The following GIGYF2 variants were observed in gnomAD, a reference collection of about 807,000 sequenced individuals.
GIGYF2 encodes GRB10 interacting GYF protein 2.
In GIGYF2, 25 loss-of-function variants were observed where a neutral mutation model predicts 208.1. The ratio of observed to expected loss-of-function variants is 0.12; its 90% CI spans 0.09 to 0.17. The LOEUF is 0.17. GIGYF2 is among the 10% of genes least tolerant of loss of function. The pLI is 1.00. For synonymous variants in GIGYF2, 534 were observed against 543.8 expected (o/e 0.98, Z 0.25); for missense variants, 1,302 against 1,579.4 (o/e 0.82, Z 2.98).
intron 3 of GIGYF2, among the ~76,000 whole-genome samples, chr2:232,739,937 T>TA (rs34661108): frequency 0.046 from 5,094 of 111,568 alleles, 386 homozygotes; most frequent in African/African-American, 0.15. Context: ...CCATCTCTGC[T>TA]AAAAAAAAAA....
intron 1 of GIGYF2, among the ~76,000 whole-genome samples, chr2:232,698,508 C>T (rs1245793298): frequency 1.3e-5 from 2 of 152,082 alleles, no homozygotes; most frequent in East Asian, 3.8e-4. Flanking sequence ...TTCTGTCATT[C>T]TTTCTGTACA....
chr2:232,827,997 CT>C (rs201861951), intron 21 of GIGYF2, among the ~76,000 whole-genome samples: 1 of 150,344 alleles, frequency 6.7e-6, no homozygotes. Context: ...TTTTCTTTTT[CT>C]TTTTTTTTGA....
intron 22 of GIGYF2, among the ~76,000 whole-genome samples, chr2:232,833,571 A>G (rs1329718463): frequency 6.6e-6 from 1 of 152,226 alleles, no homozygotes; most frequent in Non-Finnish European, 1.5e-5. Flanking sequence ...AGGAGTAAAC[A>G]AGAGGATAGG....
intron 6 of GIGYF2, among the ~76,000 whole-genome samples, chr2:232,757,402 C>G (rs1301645892): frequency 6.6e-6 from 1 of 150,900 alleles, no homozygotes; most frequent in Non-Finnish European, 1.5e-5. Context: ...ATCTGTAAAA[C>G]TTAAAGGAAA....
At chr2:232,749,822 A>G (rs1290380393) in intron 5 of GIGYF2, among the ~76,000 whole-genome samples, 1 of 152,246 alleles carries the variant, frequency 6.6e-6, no homozygotes, top group East Asian at 1.9e-4. Flanking sequence ...ATACTCTATG[A>G]AATATTAAAA....
At chr2:232,767,847 G>T in intron 8 of GIGYF2, 1 of 276,176 alleles carries the variant, frequency 3.6e-6, no homozygotes, top group Non-Finnish European at 6.9e-6. Flanking sequence ...AGAGATTAAT[G>T]GTTGATTTTC....
Position 232,809,869 on chromosome 2 carries a change from TC to T in GIGYF2, c.1898+59del, listed in dbSNP as rs1044124279. Reference sequence around the variant, plus strand: ...GCATGAAAAAGGACTTTAAATAGAATCTGCTCTCAAGTCTCACCTTTTACAG... The same window carrying T: ...GCATGAAAAAGGACTTTAAATAGAATTGCTCTCAAGTCTCACCTTTTACAG... On this transcript the variant is annotated intron_variant, in intron 16 of 28. Transcript: ENST00000373563. 1.9e-5 allele frequency: 19 copies of T among 977,946 alleles called. No individual in the cohort carries two copies. The African/African-American group carries it at 2.5e-4, about 13-fold the overall frequency. The allele number at this position is 977,946 out of a possible 1,614,324, so 60.6% of individuals were successfully genotyped here.
At chr2:232,772,978 T>A (rs905780053) in intron 8 of GIGYF2, among the ~76,000 whole-genome samples, 24 of 152,140 alleles carry the variant, frequency 1.6e-4, no homozygotes, top group African/African-American at 2.4e-5. Flanking sequence ...TAACTTAACA[T>A]TTATTGGTGA....
intron 8 of GIGYF2, among the ~76,000 whole-genome samples, chr2:232,778,286 A>T (rs1699597256): frequency 6.6e-6 from 1 of 152,210 alleles, no homozygotes. Flanking sequence ...TATTAAACTT[A>T]AAAGTCTTTT....
chr2:232,801,300 G>A (rs966934122), intron 14 of GIGYF2, among the ~76,000 whole-genome samples: 4 of 151,714 alleles, frequency 2.6e-5, no homozygotes, highest in East Asian at 3.9e-4. Context: ...AGTCTGAGGC[G>A]GGAGGATCAC....
chr2:232,743,146 A>AT (rs1361875859), intron 3 of GIGYF2, among the ~76,000 whole-genome samples: 1 of 152,152 alleles, frequency 6.6e-6, no homozygotes, highest in East Asian at 1.9e-4. Context: ...CCATGGTAGA[A>AT]TTGGCAGTGT....
chr2:232,747,570 G>C (rs1698191655), intron 3 of GIGYF2, 45 bp from the exon 4 acceptor site: 1 of 1,611,110 alleles, frequency 6.2e-7, no homozygotes, highest in Non-Finnish European at 8.5e-7. Flanking sequence ...TAAAAAGTCT[G>C]TAGCACCAGA....
chr2:232,848,265 G>A (rs1192901740), intron 27 of GIGYF2, among the ~76,000 whole-genome samples: 3 of 152,238 alleles, frequency 2.0e-5, no homozygotes, highest in Admixed American at 6.5e-5. Flanking sequence ...TCCAGCACAC[G>A]TATTTTCTTC....
intron 2 of GIGYF2, among the ~76,000 whole-genome samples, chr2:232,712,961 C>G (rs888074056): frequency 2.6e-5 from 4 of 152,134 alleles, no homozygotes; most frequent in African/African-American, 9.7e-5. Flanking sequence ...AGAAAATGTT[C>G]TATGAACCTC....
chr2:232,840,323 T>G (rs1044786663), intron 23 of GIGYF2, among the ~76,000 whole-genome samples: 1 of 152,220 alleles, frequency 6.6e-6, no homozygotes, highest in African/African-American at 2.4e-5. Context: ...TATGTTTTTC[T>G]CTAAAGACAC....
chr2:232,734,009 C>T (rs1697620234), intron 2 of GIGYF2, among the ~76,000 whole-genome samples: 1 of 150,780 alleles, frequency 6.6e-6, no homozygotes, highest in Non-Finnish European at 1.5e-5. Flanking sequence ...CTTAAGATTA[C>T]TTTTGAAATG....
intron 2 of GIGYF2, among the ~76,000 whole-genome samples, chr2:232,707,292 G>A (rs977277055): frequency 2.0e-5 from 3 of 152,186 alleles, no homozygotes; most frequent in African/African-American, 7.2e-5. Flanking sequence ...GGTCTCTTCA[G>A]TATTGGTCCT....
chr2:232,856,026 G>T (rs1225493387), intron 28 of GIGYF2, among the ~76,000 whole-genome samples: 1 of 152,004 alleles, frequency 6.6e-6, no homozygotes, highest in Non-Finnish European at 1.5e-5. Context: ...CTTCGACCAG[G>T]TTCAAGCAAT....
In GIGYF2 at chr2:232,736,668, T is replaced by C. The variant is rs1467401514; in HGVS notation, c.41+1430T>C. On this transcript the variant is annotated intron_variant, in intron 3 of 28. Transcript: ENST00000373563. ...AATGAACATTCTTATAGTTACATCT[T>C]TATTTCTACCTTAATTCCTTTTATC... is the stretch of plus-strand genomic sequence containing the variant. 2.6e-5 allele frequency: 4 copies of C among 152,344 alleles called. No homozygotes were observed. The East Asian group carries it at 7.7e-4, about 29-fold the overall frequency. The allele number at this position is 152,344 out of a possible 1,614,324, so 9.4% of individuals were successfully genotyped here. A position where few individuals can be genotyped will look rare whatever the true frequency, so the allele number is the denominator to read the frequency against.
Sources: gnomAD v4.1 joint callset for allele counts (sites outside exome capture counted in the v4.1 genomes callset) on GRCh38, gnomAD v4.1.1 for gene constraint, MANE v1.5 for transcripts, NCBI Gene and HGNC (gene_info 2026-07-23, HGNC 2026-07-21) for gene names.